The following MYO7B variants were observed in gnomAD, a reference collection of about 807,000 sequenced individuals.
MYO7B encodes the protein myosin VIIB, also known as unconventional myosin-VIIb.
In MYO7B, 212 loss-of-function variants were observed where a neutral mutation model predicts 259.7. That is an observed-to-expected ratio of 0.82 (90% confidence interval 0.73 to 0.91). The LOEUF is 0.91. MYO7B is among the 40% of genes least tolerant of loss of function. The probability of loss-of-function intolerance (pLI) is 0.00; values close to 1 mark genes in which losing one functional copy is unlikely to be tolerated. For synonymous variants in MYO7B, 1,197 were observed against 1,166.4 expected (o/e 1.03, Z -0.54); for missense variants, 2,732 against 2,813.5 (o/e 0.97, Z 0.66).
At position 127,615,758 on chromosome 2, in the gene MYO7B, T is replaced by G. The variant is rs1489276447; in HGVS notation, c.3398+3155T>G. On this transcript the variant is annotated intron_variant, in intron 26 of 47. Coordinates refer to ENST00000409816, the MANE Select transcript of MYO7B (RefSeq NM_001393586.1). The surrounding 1 kb of genome is among the most constrained non-coding windows in gnomAD (Gnocchi z 4.4). ...ATACTAGATCACGACTCTCACTCTT[T>G]CGGCCTGCAACATCTCTCCCTTTTT... Among the ~76,000 whole-genome samples, 3 of 151,930 alleles carry G rather than the reference T, an allele frequency of 2.0e-5. No homozygotes were observed. The highest frequency in any genetic ancestry group is 4.4e-5 in the Non-Finnish European group (3 of 67,992).
intron 21 of MYO7B, among the ~76,000 whole-genome samples, chr2:127,608,507 A>C (rs1680247129): frequency 6.6e-6 from 1 of 152,268 alleles, no homozygotes; most frequent in African/African-American, 2.4e-5. Context: ...TCACTGGGAA[A>C]GGGAAAGCCC....
chr2:127,562,896 A>G (rs1431667339), intron 2 of MYO7B, among the ~76,000 whole-genome samples: 2 of 152,202 alleles, frequency 1.3e-5, no homozygotes. Flanking sequence ...GGTGTGAACC[A>G]CCACATCCAG....
At chr2:127,588,139 C>T (rs1679372310) in intron 14 of MYO7B, among the ~76,000 whole-genome samples, 1 of 151,874 alleles carries the variant, frequency 6.6e-6, no homozygotes, top group African/African-American at 2.4e-5. Flanking sequence ...GATGTGGCAG[C>T]TTATATAAGG....
At chr2:127,622,416 G>T (rs4662748) in intron 28 of MYO7B, among the ~76,000 whole-genome samples, 2 of 152,124 alleles carry the variant, frequency 1.3e-5, no homozygotes, top group South Asian at 2.1e-4. Flanking sequence ...CATTTCACTT[G>T]GTGACAAGGG....
intron 9 of MYO7B, 87 bp downstream of exon 9, chr2:127,578,373 G>A: frequency 3.3e-6 from 5 of 1,531,480 alleles, no homozygotes; most frequent in Non-Finnish European, 4.5e-6. Flanking sequence ...GGTTCTCACA[G>A]GAAGGATCCT....
In MYO7B at chr2:127,582,265, C is replaced by T. The variant is rs753927353; in HGVS notation, c.1201-39C>T. ...ACTTGGAGGTAACCTCCGCCTGAGC[C>T]TCCAAGCCCAGGATTCTCCCACCCC... On this transcript the variant is annotated intron_variant, in intron 11 of 47. Transcript: ENST00000409816. 2.5e-6 allele frequency: 4 copies of T among 1,607,706 alleles called. No homozygotes were observed. The African/African-American group carries it at 5.4e-5, about 22-fold the overall frequency.
chr2:127,544,172 A>G (rs1693124652), intron 1 of MYO7B, among the ~76,000 whole-genome samples: 1 of 151,564 alleles, frequency 6.6e-6, no homozygotes, highest in Admixed American at 6.6e-5. Flanking sequence ...GAACTCCCAG[A>G]CTTAAGTGAT....
At chr2:127,617,487 GTTTTTT>G (rs35542480) in intron 26 of MYO7B, among the ~76,000 whole-genome samples, 2 of 84,824 alleles carry the variant, frequency 2.4e-5, no homozygotes, top group South Asian at 5.8e-4. Context: ...TTGTAACGGG[GTTTTTT>G]TTTTTTTTTT....
rs780599173 is a variant in MYO7B, at chr2:127,636,891, GCCTGCTGTGCGAGACCTCC to G, written c.6307_6325del (p.Leu2103TrpfsTer9). The G allele has an allele frequency of 6.2e-7, 1 of 1,612,776 alleles. No individual in the cohort carries two copies. The highest frequency in any genetic ancestry group is 8.5e-7 in the Non-Finnish European group (1 of 1,179,728). On this transcript the variant is annotated frameshift_variant, in exon 47 of 48. Coordinates refer to ENST00000409816, the MANE Select transcript of MYO7B (RefSeq NM_001393586.1). LOFTEE classifies it low-confidence loss of function (END_TRUNC). The surrounding 1 kb of genome is among the most constrained non-coding windows in gnomAD (Gnocchi z 4.5). ...CTGGGGAGCCTGGGCCGTGGCAGCC[GCCTGCTGTGCGAGACCTCC>G]CTGGTGAGCTCAGGTTCTTTCTCCC...
chr2:127,608,789 G>T lies in MYO7B; in HGVS notation c.2725G>T (p.Val909Phe). ...AKKRRSIYDTVTDTEMVEKVF... is the reference protein window; with the variant it reads ...AKKRRSIYDTFTDTEMVEKVF... ...GAAGCGCAGATCCATCTACGACACC[G>T]TCACTGACACGGAGATGGTGGAGAA... The change falls in exon 22 of 48, where the codon GTC (valine) becomes TTC (phenylalanine). Residue 909 changes from valine to phenylalanine, a missense_variant. Physicochemically the swap from Val to Phe is conservative, Grantham distance 50. This residue lies in a region of MYO7B where 1,906 missense variants were observed against 2,026.4 expected (regional missense o/e 0.94). Coordinates refer to ENST00000409816, the MANE Select transcript of MYO7B (RefSeq NM_001393586.1). The T allele has an allele frequency of 6.2e-7, 1 of 1,613,482 alleles. No homozygotes were observed. Among genetic ancestry groups the T allele is most frequent in the Non-Finnish European group, 8.5e-7 (1 of 1,179,784 alleles).
chr2:127,626,622 C>A, intron 31 of MYO7B: 1 of 190,490 alleles, frequency 5.2e-6, no homozygotes, highest in Non-Finnish European at 1.1e-5. Flanking sequence ...CTACTAAAAA[C>A]ACAGAAATTA....
intron 4 of MYO7B, 135 bp downstream of exon 4, chr2:127,565,520 T>A (rs1009407563): frequency 8.2e-7 from 1 of 1,221,146 alleles, no homozygotes; most frequent in Non-Finnish European, 1.1e-6. Flanking sequence ...GGTGCCTAAC[T>A]TTTCCCAATC....
rs780522336 is a variant in MYO7B at position 127,564,137 on chromosome 2, T to C, written c.19-16T>C. The C allele has an allele frequency of 5.2e-5, 79 of 1,517,294 alleles. 1 individual carries two copies. Among genetic ancestry groups the C allele is most frequent in the Non-Finnish European group, 7.0e-5 (78 of 1,115,938 alleles). 94.0% of individuals were successfully genotyped at this position (1,517,294 alleles called of 1,614,324 possible). ...GAGAGCGGGGATCACACCACTGTCT[T>C]CTGTCTGCCCTCCAGGGTGACCACG... On this transcript the variant is annotated splice_polypyrimidine_tract_variant and intron_variant, in intron 2 of 47. Transcript: ENST00000409816.
At chr2:127,604,726 G>A (rs544364705) in intron 19 of MYO7B, among the ~76,000 whole-genome samples, 5 of 152,218 alleles carry the variant, frequency 3.3e-5, no homozygotes, top group African/African-American at 9.6e-5. Flanking sequence ...TTTTAGTATC[G>A]CTGTGTCTCA....
At chr2:127,553,929 C>T (rs1437243381) in intron 1 of MYO7B, among the ~76,000 whole-genome samples, 1 of 152,058 alleles carries the variant, frequency 6.6e-6, no homozygotes, top group East Asian at 1.9e-4. Context: ...TGAGGTATGT[C>T]CCTTGTATGC....
rs1326167511 is a variant in MYO7B, at chr2:127,595,045, A to T, written c.2244+1401A>T. On this transcript the variant is annotated intron_variant, in intron 18 of 47. Coordinates refer to ENST00000409816, the MANE Select transcript of MYO7B (RefSeq NM_001393586.1). ...ATTGTTTGGAATAGTTTCAAAAAAA[A>T]GGGTATCAACTCCTCTTTGTACTTC... Among the ~76,000 whole-genome samples, 4 of 152,354 alleles carry T rather than the reference A, an allele frequency of 2.6e-5. No individual in the cohort carries two copies. The East Asian group carries it at 5.8e-4, about 22-fold the overall frequency.
intron 9 of MYO7B, 144 bp from the exon 10 acceptor site, chr2:127,580,602 G>A: frequency 1.4e-6 from 1 of 738,438 alleles, no homozygotes; most frequent in Non-Finnish European, 2.2e-6. Context: ...CTCAAAGAGA[G>A]GACACTGGGA....
rs914756473 is a variant in MYO7B, at chr2:127,588,836, T to A, written c.1854+281T>A. ...ATGGATGGGTGGGTGAGTGGATGGG[T>A]GGATGGGTGTGTGAGGGTGGATGGG... On this transcript the variant is annotated intron_variant, in intron 15 of 47. Coordinates refer to ENST00000409816, the MANE Select transcript of MYO7B (RefSeq NM_001393586.1). Among the ~76,000 whole-genome samples, 4 of 138,664 alleles carry A rather than the reference T, an allele frequency of 2.9e-5. No homozygotes were observed. The East Asian group carries it at 9.0e-4, about 31-fold the overall frequency. 91.0% of individuals were successfully genotyped at this position (138,664 alleles called of 152,430 possible).
chr2:127,573,336 G>A (rs182558680), intron 6 of MYO7B, among the ~76,000 whole-genome samples: 4 of 152,178 alleles, frequency 2.6e-5, no homozygotes, highest in Non-Finnish European at 5.9e-5. Flanking sequence ...GTATATACTA[G>A]GATGTAATGC....
Sources: gnomAD v4.1 joint callset for allele counts (sites outside exome capture counted in the v4.1 genomes callset) on GRCh38, gnomAD v4.1.1 for gene constraint, gnomAD v4.1.1 regional missense constraint, Gnocchi (gnomAD v3.1) non-coding constraint, MANE v1.5 for transcripts, NCBI Gene and HGNC (gene_info 2026-07-23, HGNC 2026-07-21) for gene names.